Variants in MICU3 observed in about 807,000 individuals in gnomAD.
MICU3 encodes the protein mitochondrial calcium uptake 3.
A neutral mutation model predicts 66.5 loss-of-function variants in MICU3; 62 were observed. That is an observed-to-expected ratio of 0.93 (90% CI 0.76 to 1.15). The LOEUF is 1.15. MICU3 is among the 50% of genes most tolerant of loss of function. The pLI is 0.00. For missense variants in MICU3, 779 were observed against 664.4 expected (o/e 1.17, Z -1.90); for synonymous variants, 308 against 240.7 (o/e 1.28, Z -2.59).
intron 7 of MICU3, 148 bp downstream of exon 7, chr8:17,087,183 G>A (rs983797105): frequency 5.2e-6 from 3 of 572,116 alleles, no homozygotes; most frequent in Non-Finnish European, 9.4e-6. Flanking sequence ...AATTGCTTCA[G>A]TATTTATATG....
the MICU3 span, among the ~76,000 whole-genome samples, chr8:17,135,189 A>G: frequency 7.2e-5 from 11 of 152,200 alleles, no homozygotes; most frequent in Admixed American, 2.6e-4. Context: ...CCACAAGGTC[A>G]GGAGTTTGAG....
intron 11 of MICU3, among the ~76,000 whole-genome samples, chr8:17,107,124 T>C (rs1002521909): frequency 1.3e-5 from 2 of 152,110 alleles, no homozygotes; most frequent in African/African-American, 4.8e-5. Flanking sequence ...ATAAGCAAAA[T>C]CCTTCTCTCA....
intron 1 of MICU3, among the ~76,000 whole-genome samples, chr8:17,053,823 T>C (rs538441348): frequency 6.6e-6 from 1 of 152,174 alleles, no homozygotes; most frequent in Non-Finnish European, 1.5e-5. Flanking sequence ...TCCCTAAACG[T>C]TTTTAGCAAA....
intron 8 of MICU3, among the ~76,000 whole-genome samples, chr8:17,094,573 C>G (rs941549817): frequency 6.6e-6 from 1 of 151,902 alleles, no homozygotes; most frequent in Non-Finnish European, 1.5e-5. Context: ...CGATCTGTTG[C>G]AATATGTTAT....
At position 17,028,567 on chromosome 8, in the gene MICU3, G is replaced by C. The variant is rs555687471; in HGVS notation, c.381+907G>C. Among the ~76,000 whole-genome samples the C allele has an allele frequency of 1.3e-4, 20 of 152,298 alleles. No homozygotes were observed. The South Asian group carries it at 4.1e-3, about 32-fold the overall frequency. ...GTAGATGAAAATAATTTAGAAAACA[G>C]AGAGCTATGCTGTTTCTAATGCAAT... On this transcript the variant is annotated intron_variant, in intron 1 of 14. Transcript: ENST00000318063.
intron 11 of MICU3, among the ~76,000 whole-genome samples, chr8:17,113,441 A>G (rs774836286): frequency 3.3e-5 from 5 of 152,224 alleles, no homozygotes; most frequent in Non-Finnish European, 7.3e-5. Flanking sequence ...GTTTATACAC[A>G]TGACATTCCA....
chr8:17,099,153 A>G (rs936786828), intron 9 of MICU3, among the ~76,000 whole-genome samples: 5 of 151,704 alleles, frequency 3.3e-5, no homozygotes, highest in Non-Finnish European at 7.4e-5. Context: ...CCATTATCCC[A>G]TTCTTACACC....
chr8:17,104,638 C>G (rs1248005862), intron 10 of MICU3, 147 bp downstream of exon 10: 3 of 410,774 alleles, frequency 7.3e-6, no homozygotes, highest in African/African-American at 4.1e-5. Flanking sequence ...CCACATTTAT[C>G]AGTACCTACA....
intron 10 of MICU3, 77 bp from the exon 11 acceptor site, chr8:17,105,336 C>T: frequency 1.3e-6 from 1 of 779,900 alleles, no homozygotes; most frequent in Non-Finnish European, 2.1e-6. Flanking sequence ...TTTTCTAGGA[C>T]AGTGAGTATT....
chr8:17,101,101 T>C (rs1801216485), intron 9 of MICU3, among the ~76,000 whole-genome samples: 1 of 151,868 alleles, frequency 6.6e-6, no homozygotes, highest in Admixed American at 6.6e-5. Context: ...TTAAACCCTT[T>C]AATAGTTTGA....
At chr8:17,115,036 G>A (rs542432933) in intron 12 of MICU3, among the ~76,000 whole-genome samples, 8,092 of 150,012 alleles carry the variant, frequency 0.054, 318 homozygotes, top group Non-Finnish European at 0.081. Flanking sequence ...GGAGAATGGC[G>A]TGAACCCGGG....
intron 1 of MICU3, among the ~76,000 whole-genome samples, chr8:17,039,065 G>A (rs1243376470): frequency 2.0e-5 from 3 of 152,030 alleles, no homozygotes; most frequent in Non-Finnish European, 2.9e-5. Flanking sequence ...CAACATCAAG[G>A]CAAGACCCTT....
chr8:17,079,344 T>C (rs1263640309), intron 4 of MICU3, among the ~76,000 whole-genome samples: 1 of 152,134 alleles, frequency 6.6e-6, no homozygotes, highest in Non-Finnish European at 1.5e-5. Flanking sequence ...CTACACCCTG[T>C]AGTACAATGC....
intron 7 of MICU3, among the ~76,000 whole-genome samples, chr8:17,089,339 A>G (rs1229293138): frequency 6.6e-6 from 1 of 152,062 alleles, no homozygotes; most frequent in African/African-American, 2.4e-5. Context: ...TGTTAATCAC[A>G]TTTTAAATAA....
intron 8 of MICU3, among the ~76,000 whole-genome samples, chr8:17,093,934 C>A (rs144461590): frequency 3.3e-5 from 5 of 151,956 alleles, no homozygotes; most frequent in African/African-American, 9.6e-5. Flanking sequence ...AAAATTATAA[C>A]CACCATAGTA....
At chr8:17,135,908 A>C in the MICU3 span, among the ~76,000 whole-genome samples, 40 of 152,078 alleles carry the variant, frequency 2.6e-4, no homozygotes, top group African/African-American at 9.4e-4. Flanking sequence ...CCTATATTAA[A>C]TTATTCTACA....
chr8:17,054,721 T>C (rs1184386097), intron 1 of MICU3, among the ~76,000 whole-genome samples: 1 of 148,420 alleles, frequency 6.7e-6, no homozygotes, highest in Non-Finnish European at 1.5e-5. Context: ...ATGTTTTCTT[T>C]TTCTTTTTCT....
rs1301374963 is a variant in MICU3, at chr8:17,085,240, A to G, written c.699A>G (p.Pro233=). 1.2e-6 allele frequency: 2 copies of G among 1,603,496 alleles called. No individual in the cohort carries two copies. The highest frequency in any genetic ancestry group is 3.3e-4 in the Middle Eastern group (2 of 5,994). Residue 233 remains proline (P), a synonymous_variant, in exon 6 of 15, where the codon CCA becomes CCG. Transcript: ENST00000318063. ...YLFLLCILTK[P]HAGFRIAFNM... ...CTTCTCTGTTTTTTCTGGCAGAGCC[A>G]CATGCAGGGTTCAGAATAGCTTTCA...
intron 8 of MICU3, among the ~76,000 whole-genome samples, chr8:17,093,906 A>G (rs1391243582): frequency 1.3e-5 from 2 of 152,010 alleles, no homozygotes; most frequent in African/African-American, 4.8e-5. Context: ...GTAAATATAC[A>G]ATAAAATAAA....
Sources: gnomAD v4.1 joint callset for allele counts (sites outside exome capture counted in the v4.1 genomes callset) on GRCh38, gnomAD v4.1.1 for gene constraint, MANE v1.5 for transcripts, NCBI Gene and HGNC (gene_info 2026-07-23, HGNC 2026-07-21) for gene names.